PALM2AKAP2: variants seen among roughly 807,000 people sequenced by gnomAD.
The protein encoded by PALM2AKAP2 is PALM2-AKAP2 fusion protein.
Under a neutral mutation model 71.5 loss-of-function variants are expected in PALM2AKAP2, and 37 were observed. The observed-to-expected ratio is 0.52, with a 90% CI of 0.40 to 0.68. The LOEUF (loss-of-function observed/expected upper bound fraction) is 0.68. Ranked by LOEUF, PALM2AKAP2 falls within the 30% of genes least tolerant of loss-of-function variation. The pLI, the probability that PALM2AKAP2 is intolerant of heterozygous loss-of-function variation, is 0.00. For synonymous variants in PALM2AKAP2, 468 were observed against 478.8 expected (o/e 0.98, Z 0.29); for missense variants, 1,224 against 1,191.8 (o/e 1.03, Z -0.40).
intron 3 of PALM2AKAP2, among the ~76,000 whole-genome samples, chr9:109,910,175 G>A (rs1367815024): frequency 6.6e-6 from 1 of 152,198 alleles, no homozygotes; most frequent in African/African-American, 2.4e-5. Context: ...AGTAAGCGAG[G>A]GTCAAGCCAG....
At chr9:109,898,934 C>A (rs1285727543) in intron 3 of PALM2AKAP2, among the ~76,000 whole-genome samples, 1 of 152,220 alleles carries the variant, frequency 6.6e-6, no homozygotes, top group African/African-American at 2.4e-5. Flanking sequence ...CACACTCTCT[C>A]CTTGTTTACT....
In PALM2AKAP2 at chr9:109,769,642, G is replaced by A. The variant is rs185170608; in HGVS notation, c.6-10846G>A. On this transcript the variant is annotated intron_variant, in intron 1 of 6. Transcript: ENST00000374531. ...AAAGCCAGGCAGGCTTTTGGAAAGT[G>A]GATTTTTAATATTGGAGGATATTTG... Among the ~76,000 whole-genome samples, 288 of 152,282 alleles carry A rather than the reference G, an allele frequency of 1.9e-3. 1 individual carries two copies. The highest frequency in any genetic ancestry group is 6.5e-3 in the African/African-American group (269 of 41,564).
intron 1 of PALM2AKAP2, among the ~76,000 whole-genome samples, chr9:109,810,320 A>T (rs934326569): frequency 1.3e-5 from 2 of 152,222 alleles, no homozygotes; most frequent in Non-Finnish European, 2.9e-5. Context: ...GGACTGTTAC[A>T]GGAGATGGTG....
chr9:110,011,006 A>ATATATATATATAT (rs1454209302), intron 6 of PALM2AKAP2, among the ~76,000 whole-genome samples: 17 of 94,148 alleles, frequency 1.8e-4, no homozygotes, highest in African/African-American at 9.6e-4. Flanking sequence ...CAAAAAAAAA[A>ATATATATATATAT]AAAAAAAAAT....
exon 2 of PALM2AKAP2, chr9:110,138,383 C>G: frequency 6.2e-7 from 1 of 1,614,220 alleles, no homozygotes; most frequent in Non-Finnish European, 8.5e-7. Flanking sequence ...GTCCAGGAAA[C>G]AGCGGACTTT....
intron 3 of PALM2AKAP2, among the ~76,000 whole-genome samples, chr9:109,922,720 G>A (rs1465377182): frequency 2.0e-5 from 3 of 152,138 alleles, no homozygotes; most frequent in African/African-American, 7.2e-5. Flanking sequence ...GCCAATATAT[G>A]TAATGTTTAA....
At chr9:109,886,930 A>G (rs1427600663) in intron 3 of PALM2AKAP2, among the ~76,000 whole-genome samples, 3 of 152,246 alleles carry the variant, frequency 2.0e-5, no homozygotes, top group Non-Finnish European at 1.5e-5. Flanking sequence ...ATGTCACATC[A>G]AATATTCATT....
chr9:109,863,988 G>A lies in PALM2AKAP2; in HGVS notation c.46-3503G>A, dbSNP rs118183115. On this transcript the variant is annotated intron_variant, in intron 1 of 9. Transcript: ENST00000302798. ...CCAGCTACTCGGGAGGCTGACACAG[G>A]GAAATTGCTTGAACTCAGGAAGCAG... Among the ~76,000 whole-genome samples, 148 of 152,166 alleles carry A rather than the reference G, an allele frequency of 9.7e-4. 2 individuals carry two copies. In the East Asian group the frequency reaches 0.027, roughly 27 times the overall value.
chr9:110,117,915 G>A (rs1487758302), intron 1 of PALM2AKAP2, among the ~76,000 whole-genome samples: 6 of 149,760 alleles, frequency 4.0e-5, no homozygotes, highest in Non-Finnish European at 8.9e-5. Context: ...GGCAAACTAT[G>A]TATATAGAAT....
chr9:110,025,460 A>C (rs1833163652), intron 7 of PALM2AKAP2: 2 of 646,304 alleles, frequency 3.1e-6, no homozygotes, highest in African/African-American at 3.7e-5. Flanking sequence ...ACCTTCTGGC[A>C]GTAAGTATTC....
chr9:109,960,457 A>G (rs1831833384), intron 6 of PALM2AKAP2, among the ~76,000 whole-genome samples: 1 of 152,194 alleles, frequency 6.6e-6, no homozygotes, highest in African/African-American at 2.4e-5. Flanking sequence ...AGACTTATAG[A>G]CCATAGATGA....
chr9:109,879,526 C>T lies in PALM2AKAP2; in HGVS notation c.127-1025C>T, dbSNP rs144890355. On this transcript the variant is annotated intron_variant, in intron 2 of 9. Coordinates refer to the PALM2AKAP2 transcript ENST00000302798. ...AACCTGAATCAAAATTATCCTCTCACATCTACCTCTCCTTGCTCTTCCTTT... is the reference window on the plus strand; with the variant it reads ...AACCTGAATCAAAATTATCCTCTCATATCTACCTCTCCTTGCTCTTCCTTT... 3.0e-3 allele frequency among the ~76,000 whole-genome samples: 450 copies of T among 152,292 alleles called. 3 individuals are homozygous for T. The highest frequency in any genetic ancestry group is 0.01 in the African/African-American group (432 of 41,566).
At chr9:109,998,604 A>G (rs556122882) in intron 6 of PALM2AKAP2, among the ~76,000 whole-genome samples, 1 of 120,272 alleles carries the variant, frequency 8.3e-6, no homozygotes, top group Admixed American at 1.0e-4. Context: ...GCTCTTCTTA[A>G]TATGGTACTT....
At chr9:109,730,222 C>T (rs576519056) in intron 1 of PALM2AKAP2, among the ~76,000 whole-genome samples, 2 of 152,140 alleles carry the variant, frequency 1.3e-5, no homozygotes, top group South Asian at 4.1e-4. Context: ...TAATTCATAG[C>T]AGGAATCTAT....
chr9:109,997,824 C>A (rs373363528), intron 6 of PALM2AKAP2, among the ~76,000 whole-genome samples: 11 of 152,302 alleles, frequency 7.2e-5, no homozygotes, highest in African/African-American at 2.4e-4. Context: ...GCATCCTGCC[C>A]TCCTCCTTCA....
At chr9:109,743,628 C>G (rs777660928) in intron 1 of PALM2AKAP2, among the ~76,000 whole-genome samples, 2 of 152,204 alleles carry the variant, frequency 1.3e-5, no homozygotes, top group Non-Finnish European at 2.9e-5. Flanking sequence ...CCCAGGATGT[C>G]TATTTCAGGA....
intron 1 of PALM2AKAP2, among the ~76,000 whole-genome samples, chr9:109,691,865 T>C (rs1236592207): frequency 4.4e-5 from 2 of 45,354 alleles, no homozygotes; most frequent in South Asian, 6.9e-4. Flanking sequence ...TATATATATA[T>C]ATACACACAC....
At chr9:110,027,165 C>T (rs769511286) in intron 7 of PALM2AKAP2, among the ~76,000 whole-genome samples, 3 of 152,124 alleles carry the variant, frequency 2.0e-5, no homozygotes, top group Non-Finnish European at 4.4e-5. Context: ...TCTTCTGTGG[C>T]GTGAACTGTC....
chr9:109,646,762 A>G lies in PALM2AKAP2; in HGVS notation c.5+5896A>G, dbSNP rs1827161289. The stretch of plus-strand genomic sequence containing the variant: ...TAAAAACATCCCTTACCCTGTCTTC[A>G]AGGAGCTTACGGCTTAGTCTATGTG... On this transcript the variant is annotated intron_variant, in intron 1 of 6. Coordinates refer to the PALM2AKAP2 transcript ENST00000374531. Among the ~76,000 whole-genome samples, 3 of 152,218 alleles carry G rather than the reference A, an allele frequency of 2.0e-5. No homozygotes were observed. The South Asian group carries it at 6.2e-4, about 32-fold the overall frequency.
Sources: allele counts gnomAD v4.1 joint callset (sites outside exome capture counted in the v4.1 genomes callset), GRCh38; gene constraint gnomAD v4.1.1; transcripts MANE v1.5; gene names NCBI Gene and HGNC (gene_info 2026-07-23, HGNC 2026-07-21).